Variants in OR6C65 observed in about 807,000 individuals in gnomAD.
OR6C65 encodes olfactory receptor family 6 subfamily C member 65.
For missense variants in OR6C65, 379 were observed against 366.2 expected (o/e 1.03, Z -0.29); for synonymous variants, 126 against 127.5 (o/e 0.99, Z 0.08).
At position 55,400,609 on chromosome 12, in the gene OR6C65, CTTT is replaced by C. The variant is rs140528200; in HGVS notation, c.82_84del (p.Phe28del). The C allele has an allele frequency of 2.7e-4, 430 of 1,588,260 alleles. 2 individuals carry two copies. In the African/African-American group the frequency reaches 5.4e-3, roughly 20 times the overall value. On this transcript the variant is annotated inframe_deletion, in exon 1 of 1. Coordinates refer to ENST00000379665, the MANE Select transcript of OR6C65 (RefSeq NM_001005518.1). ...CAGAGTTACAAGTTGTGATATTCTT[CTTT>C]ATGTTGATCACATACTTATTGAGTG...
At position 55,401,179 on chromosome 12, in the gene OR6C65, A is replaced by G; in HGVS notation, c.651A>G (p.Thr217=). 6.2e-7 allele frequency: 1 copy of G among 1,614,050 alleles called. No individual in the cohort carries two copies. The highest frequency in any genetic ancestry group is 8.5e-7 in the Non-Finnish European group (1 of 1,180,006). The change falls in exon 1 of 1, where the codon ACA becomes ACG. Residue 217 remains threonine (T), a synonymous_variant. Transcript: ENST00000379665. Reference sequence around the variant, plus strand: ...TGGCCTTGGTGGTTCTCTCCTACACACTCATCCTTAAAACAATTCTGAAGA... The same window carrying G: ...TGGCCTTGGTGGTTCTCTCCTACACGCTCATCCTTAAAACAATTCTGAAGA... ...VTLALVVLSY[T]LILKTILKIP...
In OR6C65 at chr12:55,400,999, C is replaced by T. The variant is rs748247315; in HGVS notation, c.471C>T (p.Pro157=). ...CTGGTTTTCTCATTATTTTTCCCCC[C>T]GTGATTATGGGCCTCCAACTGGATT... The part of the protein sequence containing the change: ...WLAGFLIIFP[P]VIMGLQLDFC... The change falls in exon 1 of 1, where the codon CCC becomes CCT. Residue 157 remains proline (P), a synonymous_variant. Coordinates refer to ENST00000379665, the MANE Select transcript of OR6C65 (RefSeq NM_001005518.1). 8 of 1,614,060 alleles carry T rather than the reference C, an allele frequency of 5.0e-6. No homozygotes were observed. The Admixed American group carries it at 5.0e-5, about 10-fold the overall frequency.
At position 55,401,129 on chromosome 12, in the gene OR6C65, G is replaced by A; in HGVS notation, c.601G>A (p.Ala201Thr). The A allele has an allele frequency of 6.2e-7, 1 of 1,614,086 alleles. No individual in the cohort carries two copies. The change falls in exon 1 of 1, where the codon GCA (alanine) becomes ACA (threonine). Residue 201 changes from alanine to threonine, a missense_variant. Ala to Thr is a moderately conservative substitution (Grantham distance 58, BLOSUM62 0). Transcript: ENST00000379665. The part of the protein sequence containing the change: ...QFLELMAFLL[A>T]VFTLMVTLAL... ...TCTAGAGCTTATGGCATTTTTGCTA[G>A]CAGTATTCACACTCATGGTAACTTT... is the stretch of plus-strand genomic sequence containing the variant.
chr12:55,400,820 C>G lies in OR6C65; in HGVS notation c.292C>G (p.Gln98Glu). Residue 98 changes from glutamine to glutamate, a missense_variant, in exon 1 of 1, where the codon CAA becomes GAA. Physicochemically the swap from Gln to Glu is conservative, Grantham distance 29. Coordinates refer to ENST00000379665, the MANE Select transcript of OR6C65 (RefSeq NM_001005518.1). Reference protein sequence around the residue: ...TTISYNASMAQVFFLILLGST... With the variant: ...TTISYNASMAEVFFLILLGST... ...CATTTCCTATAATGCTTCCATGGCC[C>G]AAGTATTTTTTTTAATTCTTTTGGG... is the stretch of plus-strand genomic sequence containing the variant. 6.2e-7 allele frequency: 1 copy of G among 1,611,762 alleles called. No homozygotes were observed. The highest frequency in any genetic ancestry group is 8.5e-7 in the Non-Finnish European group (1 of 1,179,522).
rs761212603 is a variant in OR6C65 at position 55,401,280 on chromosome 12, G to A, written c.752G>A (p.Gly251Glu). The A allele has an allele frequency of 4.3e-6, 7 of 1,614,036 alleles. No homozygotes were observed. The highest frequency in any genetic ancestry group is 5.9e-6 in the Non-Finnish European group (7 of 1,179,996). ...ATGATTGTGGTTTCTGTTTCTTATG[G>A]GAGTTGCATTTTTATGTGTGTAAAA... ...SHMIVVSVSY[G>E]SCIFMCVKTS... Residue 251 changes from glycine to glutamate, a missense_variant, in exon 1 of 1, where the codon GGG becomes GAG. By Grantham distance (98) the Gly-to-Glu change is moderately conservative. Coordinates refer to ENST00000379665, the MANE Select transcript of OR6C65 (RefSeq NM_001005518.1).
In OR6C65 at chr12:55,401,164, G is replaced by A; in HGVS notation, c.636G>A (p.Val212=). The change falls in exon 1 of 1, where the codon GTG becomes GTA. Residue 212 remains valine, a synonymous_variant. Coordinates refer to ENST00000379665, the MANE Select transcript of OR6C65 (RefSeq NM_001005518.1). ...VFTLMVTLAL[V]VLSYTLILKT... is the part of the protein sequence containing the mutation. ...CACTCATGGTAACTTTGGCCTTGGT[G>A]GTTCTCTCCTACACACTCATCCTTA... 3 of 1,614,046 alleles carry A rather than the reference G, an allele frequency of 1.9e-6. No individual in the cohort carries two copies. The highest frequency in any genetic ancestry group is 2.5e-6 in the Non-Finnish European group (3 of 1,180,008).
rs374581085 is a variant in OR6C65, at chr12:55,401,161, G to A, written c.633G>A (p.Leu211=). 4 of 1,614,076 alleles carry A rather than the reference G, an allele frequency of 2.5e-6. No homozygotes were observed. Among genetic ancestry groups the A allele is most frequent in the South Asian group, 2.2e-5 (2 of 91,080 alleles). ...AVFTLMVTLA[L]VVLSYTLILK... is the part of the protein sequence containing the mutation. ...TCACACTCATGGTAACTTTGGCCTT[G>A]GTGGTTCTCTCCTACACACTCATCC... is the stretch of plus-strand genomic sequence containing the variant. Residue 211 remains leucine (L), a synonymous_variant, in exon 1 of 1, where the codon TTG becomes TTA. Coordinates refer to ENST00000379665, the MANE Select transcript of OR6C65 (RefSeq NM_001005518.1).
At position 55,400,647 on chromosome 12, in the gene OR6C65, A is replaced by T. The variant is rs113924349; in HGVS notation, c.119A>T (p.Asn40Ile). ...ACATACTTATTGAGTGTAAGTGGAA[A>T]CATGATCATCATTATGTTAACATTG... is the stretch of plus-strand genomic sequence containing the variant. ...LITYLLSVSG[N>I]MIIIMLTLSN... The change falls in exon 1 of 1, where the codon AAC becomes ATC. Residue 40 changes from asparagine (N) to isoleucine (I), a missense_variant. Coordinates refer to ENST00000379665, the MANE Select transcript of OR6C65 (RefSeq NM_001005518.1). 2.4e-4 allele frequency: 388 copies of T among 1,602,514 alleles called. 3 individuals carry two copies. The African/African-American group carries it at 4.5e-3, about 19-fold the overall frequency.
Position 55,400,643 on chromosome 12 carries a change from G to A in OR6C65, c.115G>A (p.Gly39Arg), listed in dbSNP as rs1388806487. 6.3e-7 allele frequency: 1 copy of A among 1,599,946 alleles called. No homozygotes were observed. Among genetic ancestry groups the A allele is most frequent in the East Asian group, 2.2e-5 (1 of 44,732 alleles). The change falls in exon 1 of 1, where the codon GGA becomes AGA. Residue 39 changes from glycine (G) to arginine (R), a missense_variant. By Grantham distance (125) the Gly-to-Arg change is moderately radical. Transcript: ENST00000379665. ...MLITYLLSVS[G>R]NMIIIMLTLS... ...GATCACATACTTATTGAGTGTAAGT[G>A]GAAACATGATCATCATTATGTTAAC...
Position 55,401,421 on chromosome 12 carries a change from C to A in OR6C65, c.893C>A (p.Ala298Asp). Residue 298 changes from alanine (A) to aspartate (D), a missense_variant, in exon 1 of 1, where the codon GCC (alanine) becomes GAC (aspartate). Coordinates refer to ENST00000379665, the MANE Select transcript of OR6C65 (RefSeq NM_001005518.1). ...YTLRNQQVKQ[A>D]LREFTKKILS... ...TTAAGAAACCAGCAGGTGAAACAGG[C>A]CCTTAGGGAATTCACCAAAAAAATA... 1 of 1,595,070 alleles carries A rather than the reference C, an allele frequency of 6.3e-7. No homozygotes were observed. Among genetic ancestry groups the A allele is most frequent in the South Asian group, 1.1e-5 (1 of 87,608 alleles).
Position 55,400,994 on chromosome 12 carries a change from C to A in OR6C65, c.466C>A (p.Pro156Thr), listed in dbSNP as rs1213339398. 1 of 1,613,604 alleles carries A rather than the reference C, an allele frequency of 6.2e-7. No homozygotes were observed. Among genetic ancestry groups the A allele is most frequent in the Non-Finnish European group, 8.5e-7 (1 of 1,179,754 alleles). ...SWLAGFLIIF[P>T]PVIMGLQLDF... ...GCTGGCTGGTTTTCTCATTATTTTT[C>A]CCCCCGTGATTATGGGCCTCCAACT... The change falls in exon 1 of 1, where the codon CCC becomes ACC. Residue 156 changes from proline to threonine, a missense_variant. By Grantham distance (38) the Pro-to-Thr change is conservative (BLOSUM62 -1). Transcript: ENST00000379665.
In OR6C65 at chr12:55,400,654, C is replaced by A; in HGVS notation, c.126C>A (p.Ile42=). The change falls in exon 1 of 1, where the codon ATC becomes ATA. Residue 42 remains isoleucine, a synonymous_variant. Transcript: ENST00000379665. ...TYLLSVSGNM[I]IIMLTLSNIH... ...TATTGAGTGTAAGTGGAAACATGATCATCATTATGTTAACATTGTCAAATA... is the reference window on the plus strand; with the variant it reads ...TATTGAGTGTAAGTGGAAACATGATAATCATTATGTTAACATTGTCAAATA... The A allele has an allele frequency of 6.3e-7, 1 of 1,595,194 alleles. No individual in the cohort carries two copies. The highest frequency in any genetic ancestry group is 1.1e-5 in the South Asian group (1 of 90,138).
Position 55,401,373 on chromosome 12 carries a change from T to C in OR6C65, c.845T>C (p.Met282Thr), listed in dbSNP as rs768550494. The change falls in exon 1 of 1, where the codon ATG becomes ACG. Residue 282 changes from methionine (M) to threonine (T), a missense_variant. By Grantham distance (81) the Met-to-Thr change is moderately conservative (BLOSUM62 -1). Coordinates refer to ENST00000379665, the MANE Select transcript of OR6C65 (RefSeq NM_001005518.1). ...GTGCTTAATACCTCTGTTGCTCCTA[T>C]GTTGAATCCCTTTATTTATACCTTA... ...VAVLNTSVAP[M>T]LNPFIYTLRN... 3 of 1,613,660 alleles carry C rather than the reference T, an allele frequency of 1.9e-6. No individual in the cohort carries two copies. The highest frequency in any genetic ancestry group is 1.7e-5 in the Admixed American group (1 of 59,998).
chr12:55,400,945 T>C lies in OR6C65; in HGVS notation c.417T>C (p.Cys139=). 6.2e-7 allele frequency: 1 copy of C among 1,614,186 alleles called. No individual in the cohort carries two copies. The highest frequency in any genetic ancestry group is 8.5e-7 in the Non-Finnish European group (1 of 1,180,020). Residue 139 remains cysteine, a synonymous_variant, in exon 1 of 1, where the codon TGT becomes TGC. Coordinates refer to ENST00000379665, the MANE Select transcript of OR6C65 (RefSeq NM_001005518.1). ...CAACCATCATGAGTAACAAAGTCTG[T>C]AATTGGCTTGTAATCAGCTCCTGGC... ...HYTTIMSNKV[C]NWLVISSWLA...
At position 55,400,729 on chromosome 12, in the gene OR6C65, A is replaced by T; in HGVS notation, c.201A>T (p.Leu67Phe). ...MYFFLRNFSFLEISFTTVFIP... is the reference protein window; with the variant it reads ...MYFFLRNFSFFEISFTTVFIP... Reference sequence around the variant, plus strand: ...TCTTCCTCAGGAATTTCTCTTTCTTAGAAATTTCATTTACGACAGTCTTCA... The same window carrying T: ...TCTTCCTCAGGAATTTCTCTTTCTTTGAAATTTCATTTACGACAGTCTTCA... The change falls in exon 1 of 1, where the codon TTA becomes TTT. Residue 67 changes from leucine to phenylalanine, a missense_variant. By Grantham distance (22) the Leu-to-Phe change is conservative. Coordinates refer to ENST00000379665, the MANE Select transcript of OR6C65 (RefSeq NM_001005518.1). The T allele has an allele frequency of 6.2e-7, 1 of 1,610,456 alleles. No homozygotes were observed. The highest frequency in any genetic ancestry group is 8.5e-7 in the Non-Finnish European group (1 of 1,177,628).
chr12:55,401,173 C>G lies in OR6C65; in HGVS notation c.645C>G (p.Ser215=), dbSNP rs775094975. The G allele has an allele frequency of 1.2e-6, 2 of 1,614,114 alleles. No homozygotes were observed. The highest frequency in any genetic ancestry group is 2.2e-5 in the South Asian group (2 of 91,086). The change falls in exon 1 of 1, where the codon TCC becomes TCG. Residue 215 remains serine, a synonymous_variant. Coordinates refer to ENST00000379665, the MANE Select transcript of OR6C65 (RefSeq NM_001005518.1). Reference sequence around the variant, plus strand: ...TAACTTTGGCCTTGGTGGTTCTCTCCTACACACTCATCCTTAAAACAATTC... The same window carrying G: ...TAACTTTGGCCTTGGTGGTTCTCTCGTACACACTCATCCTTAAAACAATTC... ...LMVTLALVVL[S]YTLILKTILK...
chr12:55,401,246 T>C lies in OR6C65; in HGVS notation c.718T>C (p.Ser240Pro). ...QQRKKAFSTC[S>P]SHMIVVSVSY... ...AAGGAAAAAGGCTTTTTCAACTTGT[T>C]CCTCCCATATGATTGTGGTTTCTGT... Residue 240 changes from serine (S) to proline (P), a missense_variant, in exon 1 of 1, where the codon TCC (serine) becomes CCC (proline). By Grantham distance (74) the Ser-to-Pro change is moderately conservative (BLOSUM62 -1). Transcript: ENST00000379665. 1 of 1,614,002 alleles carries C rather than the reference T, an allele frequency of 6.2e-7. No homozygotes were observed.
At position 55,401,381 on chromosome 12, in the gene OR6C65, C is replaced by G. The variant is rs778422272; in HGVS notation, c.853C>G (p.Pro285Ala). The G allele has an allele frequency of 6.2e-6, 10 of 1,613,350 alleles. No homozygotes were observed. The highest frequency in any genetic ancestry group is 8.5e-6 in the Non-Finnish European group (10 of 1,179,892). Residue 285 changes from proline to alanine, a missense_variant, in exon 1 of 1, where the codon CCC (proline) becomes GCC (alanine). Pro to Ala is a conservative substitution (Grantham distance 27). Coordinates refer to ENST00000379665, the MANE Select transcript of OR6C65 (RefSeq NM_001005518.1). Reference protein sequence around the residue: ...LNTSVAPMLNPFIYTLRNQQV... With the variant: ...LNTSVAPMLNAFIYTLRNQQV... ...TACCTCTGTTGCTCCTATGTTGAAT[C>G]CCTTTATTTATACCTTAAGAAACCA...
At position 55,400,791 on chromosome 12, in the gene OR6C65, C is replaced by T; in HGVS notation, c.263C>T (p.Thr88Ile). 6.2e-7 allele frequency: 1 copy of T among 1,612,964 alleles called. No individual in the cohort carries two copies. Among genetic ancestry groups the T allele is most frequent in the Non-Finnish European group, 8.5e-7 (1 of 1,179,480 alleles). Residue 88 changes from threonine (T) to isoleucine (I), a missense_variant, in exon 1 of 1, where the codon ACA (threonine) becomes ATA (isoleucine). Transcript: ENST00000379665. ...CTGATCAACATTGCTACAGGAGACACAACCATTTCCTATAATGCTTCCATG... is the reference window on the plus strand; with the variant it reads ...CTGATCAACATTGCTACAGGAGACATAACCATTTCCTATAATGCTTCCATG... ...RFLINIATGD[T>I]TISYNASMAQ...
Sources: gnomAD v4.1 joint callset for allele counts on GRCh38, gnomAD v4.1.1 for gene constraint, MANE v1.5 for transcripts, NCBI Gene and HGNC (gene_info 2026-07-23, HGNC 2026-07-21) for gene names.